The following NT5DC3 variants were observed in gnomAD, a reference collection of about 807,000 sequenced individuals.
NT5DC3 encodes the protein 5'-nucleotidase domain-containing protein 3.
In NT5DC3, 42 loss-of-function variants were observed where a neutral mutation model predicts 67.8. That is an observed-to-expected ratio of 0.62 (90% CI 0.48 to 0.80). The LOEUF (loss-of-function observed/expected upper bound fraction) is 0.80. NT5DC3 is among the 30% of genes least tolerant of loss of function. The pLI is 0.00. For synonymous variants in NT5DC3, 237 were observed against 255.6 expected (o/e 0.93, Z 0.69); for missense variants, 570 against 696.4 (o/e 0.82, Z 2.04).
At position 103,815,080 on chromosome 12, in the gene NT5DC3, C is replaced by A. The variant is rs376258298; in HGVS notation, c.250G>T (p.Ala84Ser). The part of the protein sequence containing the change: ...SIMSNLLNPD[A>S]IFSNNEMSLS... Reference sequence around the variant, plus strand: ...CTCATTTCATTGTTTGAGAAAATGGCATCTGGATTCAACAAGTTGCTCATA... The same window carrying A: ...CTCATTTCATTGTTTGAGAAAATGGAATCTGGATTCAACAAGTTGCTCATA... The change falls in exon 2 of 14, where the codon GCC becomes TCC. Residue 84 changes from alanine to serine, a missense_variant. This residue lies in a region of NT5DC3 where 466 missense variants were observed against 608.0 expected (regional missense o/e 0.77). Transcript: ENST00000392876. 8 of 1,612,630 alleles carry A rather than the reference C, an allele frequency of 5.0e-6. No individual in the cohort carries two copies. In the African/African-American group the frequency reaches 8.0e-5, roughly 16 times the overall value.
intron 5 of NT5DC3, among the ~76,000 whole-genome samples, chr12:103,798,068 T>C (rs868137401): frequency 4.6e-5 from 7 of 152,346 alleles, no homozygotes; most frequent in African/African-American, 1.7e-4. Context: ...TCAGGGGCTG[T>C]CTGTACTAAG....
At chr12:103,825,822 T>A (rs2139453722) in intron 1 of NT5DC3, among the ~76,000 whole-genome samples, 1 of 152,240 alleles carries the variant, frequency 6.6e-6, no homozygotes, top group Middle Eastern at 3.4e-3. Context: ...AACTCAAAAA[T>A]TTTTCATTAG....
chr12:103,762,417 T>C, the NT5DC3 span: 10 of 1,613,900 alleles, frequency 6.2e-6, no homozygotes, highest in African/African-American at 1.2e-4. Context: ...GAGAGAAAAA[T>C]GGGAACATGA....
chr12:103,766,226 G>C, downstream of NT5DC3: 1 of 1,608,522 alleles, frequency 6.2e-7, no homozygotes, highest in Non-Finnish European at 8.5e-7. Flanking sequence ...CCACCAGAAA[G>C]ATTCAACTAG....
chr12:103,806,218 T>C (rs1401120724), intron 4 of NT5DC3, 104 bp downstream of exon 4: 4 of 742,492 alleles, frequency 5.4e-6, no homozygotes, highest in Non-Finnish European at 7.3e-6. Context: ...GAATGAATCA[T>C]ATTCACACTG....
intron 1 of NT5DC3, among the ~76,000 whole-genome samples, chr12:103,824,276 A>G (rs1887601581): frequency 6.6e-6 from 1 of 152,130 alleles, no homozygotes; most frequent in African/African-American, 2.4e-5. Context: ...TTACCCAGAA[A>G]CTGTTTTCTC....
At position 103,809,542 on chromosome 12, in the gene NT5DC3, AC is replaced by A. The variant is rs145470521; in HGVS notation, c.394-2614del. 4.7e-4 allele frequency among the ~76,000 whole-genome samples: 72 copies of A among 152,376 alleles called. No homozygotes were observed. In the East Asian group the frequency reaches 0.014, roughly 29 times the overall value. On this transcript the variant is annotated intron_variant, in intron 2 of 13. Coordinates refer to ENST00000392876, the MANE Select transcript of NT5DC3 (RefSeq NM_001031701.3). ...AGAGGTTTAATGGACTCAGTGTTCC[AC>A]ATGGCTGGGGAGACCTCACAATCAT... is the stretch of plus-strand genomic sequence containing the variant.
At chr12:103,790,673 G>A (rs574397536) in intron 9 of NT5DC3, among the ~76,000 whole-genome samples, 59 of 143,240 alleles carry the variant, frequency 4.1e-4, no homozygotes, top group Middle Eastern at 7.8e-3. Flanking sequence ...TGTGAGCCAC[G>A]GCACCCCGGC....
chr12:103,801,849 A>G (rs1886599129), intron 4 of NT5DC3, among the ~76,000 whole-genome samples: 1 of 152,222 alleles, frequency 6.6e-6, no homozygotes, highest in Non-Finnish European at 1.5e-5. Flanking sequence ...TGAGGCACGA[A>G]GCCCAGCAGC....
At chr12:103,753,765 A>G in the NT5DC3 span, among the ~76,000 whole-genome samples, 1 of 152,146 alleles carries the variant, frequency 6.6e-6, no homozygotes, top group African/African-American at 2.4e-5. Flanking sequence ...AGAAGTGGAG[A>G]CTGGAAGTGC....
the NT5DC3 span, chr12:103,749,243 C>T: frequency 1.5e-6 from 2 of 1,344,994 alleles, no homozygotes; most frequent in East Asian, 2.5e-5. Flanking sequence ...CTCTGCTTAT[C>T]TCCTGGACTC....
chr12:103,780,196 A>T (rs532596692), intron 13 of NT5DC3, 104 bp downstream of exon 13: 1 of 926,034 alleles, frequency 1.1e-6, no homozygotes, highest in Non-Finnish European at 1.8e-6. Flanking sequence ...CTAAAATAGG[A>T]TGTTTCAACA....
chr12:103,826,700 T>G (rs923281476), intron 1 of NT5DC3, among the ~76,000 whole-genome samples: 2 of 152,232 alleles, frequency 1.3e-5, no homozygotes, highest in Non-Finnish European at 2.9e-5. Flanking sequence ...GGTAATTTGT[T>G]ACAGAAGCAA....
intron 1 of NT5DC3, among the ~76,000 whole-genome samples, chr12:103,833,228 C>T (rs1182105245): frequency 6.6e-6 from 1 of 152,212 alleles, no homozygotes; most frequent in Non-Finnish European, 1.5e-5. Context: ...TTTAAAGGCT[C>T]TGACTCACTA....
At chr12:103,759,025 G>T in the NT5DC3 span, 10 of 1,577,348 alleles carry the variant, frequency 6.3e-6, no homozygotes, top group Non-Finnish European at 8.7e-6. Flanking sequence ...CATGGAGGCA[G>T]GAAAGCCTAG....
At chr12:103,825,859 T>C (rs1442524244) in intron 1 of NT5DC3, among the ~76,000 whole-genome samples, 1 of 152,208 alleles carries the variant, frequency 6.6e-6, no homozygotes, top group Non-Finnish European at 1.5e-5. Context: ...AAAAGAAATA[T>C]GTATGCCTAT....
the NT5DC3 span, among the ~76,000 whole-genome samples, chr12:103,765,440 C>G: frequency 3.3e-5 from 5 of 152,314 alleles, no homozygotes; most frequent in South Asian, 1.0e-3. Flanking sequence ...TTTAGTGACT[C>G]CAGACACATT....
At chr12:103,801,373 T>C (rs998266748) in intron 4 of NT5DC3, among the ~76,000 whole-genome samples, 32 of 55,330 alleles carry the variant, frequency 5.8e-4, no homozygotes, top group African/African-American at 2.6e-3. Context: ...TGGGGTGGGC[T>C]TTTTTTTTTT....
chr12:103,832,833 T>C (rs2139477018), intron 1 of NT5DC3, among the ~76,000 whole-genome samples: 1 of 152,316 alleles, frequency 6.6e-6, no homozygotes, highest in Non-Finnish European at 1.5e-5. Flanking sequence ...AAATGAGCAC[T>C]GGGTCACCAG....
Sources: gnomAD v4.1 joint callset for allele counts (sites outside exome capture counted in the v4.1 genomes callset) on GRCh38, gnomAD v4.1.1 for gene constraint, gnomAD v4.1.1 regional missense constraint, MANE v1.5 for transcripts, NCBI Gene and HGNC (gene_info 2026-07-23, HGNC 2026-07-21) for gene names.